ERGIC1: variants seen among roughly 807,000 people sequenced by gnomAD.
The protein encoded by ERGIC1 is endoplasmic reticulum-golgi intermediate compartment 1, also known as endoplasmic reticulum-Golgi intermediate compartment protein 1.
ERGIC1 carries 19 observed loss-of-function variants against 38.3 expected under a neutral mutation model. That is an observed-to-expected ratio of 0.50 (90% CI 0.35 to 0.73). ERGIC1 has a LOEUF of 0.73. Ranked by LOEUF, ERGIC1 falls within the 30% of genes least tolerant of loss-of-function variation. The pLI is 0.01. For missense variants in ERGIC1, 294 were observed against 389.2 expected, an observed-to-expected ratio of 0.76 and a Z score of 2.06; for synonymous variants, 124 against 157.6, an observed-to-expected ratio of 0.79 and a Z score of 1.60.
chr5:172,923,942 G>A, intron 5 of ERGIC1, 63 bp from the exon 6 acceptor site: 1 of 1,419,940 alleles, frequency 7.0e-7, no homozygotes, highest in Non-Finnish European at 9.9e-7. Context: ...ACAGGGTGAG[G>A]CCCCAATGTT....
chr5:172,845,193 C>A (rs1289535631), intron 1 of ERGIC1, among the ~76,000 whole-genome samples: 2 of 152,148 alleles, frequency 1.3e-5, no homozygotes, highest in Non-Finnish European at 2.9e-5. Context: ...GCAACCCCTC[C>A]GTGGATACCC....
chr5:172,903,096 T>G (rs1458410487), intron 3 of ERGIC1, among the ~76,000 whole-genome samples: 1 of 151,164 alleles, frequency 6.6e-6, no homozygotes, highest in Non-Finnish European at 1.5e-5. Flanking sequence ...CCACCTGGAA[T>G]GTGCTCCCGA....
At chr5:172,845,342 G>T (rs1012256358) in intron 1 of ERGIC1, among the ~76,000 whole-genome samples, 1 of 152,278 alleles carries the variant, frequency 6.6e-6, no homozygotes, top group Middle Eastern at 3.4e-3. Context: ...ATCTGTGGGC[G>T]AGAGATTATG....
chr5:172,920,325 G>A, intron 5 of ERGIC1: 1 of 717,762 alleles, frequency 1.4e-6, no homozygotes, highest in Non-Finnish European at 2.6e-6. Flanking sequence ...CCAGCATCAG[G>A]CTGAGACTTG....
At chr5:172,861,625 A>G (rs1371810729) in intron 1 of ERGIC1, among the ~76,000 whole-genome samples, 1 of 152,256 alleles carries the variant, frequency 6.6e-6, no homozygotes, top group Non-Finnish European at 1.5e-5. Context: ...TATTTGGGTC[A>G]AGACACCCAG....
At chr5:172,948,372 G>T (rs1764167257) in intron 9 of ERGIC1, among the ~76,000 whole-genome samples, 1 of 152,178 alleles carries the variant, frequency 6.6e-6, no homozygotes, top group Non-Finnish European at 1.5e-5. Context: ...CCCACCACTG[G>T]GCACCAGTTC....
At chr5:172,880,176 A>G (rs1762245788) in intron 1 of ERGIC1, among the ~76,000 whole-genome samples, 1 of 152,178 alleles carries the variant, frequency 6.6e-6, no homozygotes, top group Non-Finnish European at 1.5e-5. Context: ...AGCTGGGATT[A>G]CAGGCACCTG....
chr5:172,874,800 G>A (rs1282719450), intron 1 of ERGIC1, among the ~76,000 whole-genome samples: 3 of 151,860 alleles, frequency 2.0e-5, no homozygotes, highest in Admixed American at 1.3e-4. Flanking sequence ...AGTGGTGTGC[G>A]CTTGTCCTAG....
In ERGIC1 at chr5:172,837,446, C is replaced by G. The variant is rs1033467425; in HGVS notation, c.20+3013C>G. On this transcript the variant is annotated intron_variant, in intron 1 of 9. Coordinates refer to ENST00000393784, the MANE Select transcript of ERGIC1 (RefSeq NM_001031711.3). The surrounding 1 kb of genome is among the most constrained non-coding windows in gnomAD (Gnocchi z 4.3). ...TTCACTTAATTATCATGCTGCTTCT[C>G]TCTCCCTCCCATTAGTACATGAGCT... Among the ~76,000 whole-genome samples, 1 of 152,342 alleles carries G rather than the reference C, an allele frequency of 6.6e-6. No individual in the cohort carries two copies. Among genetic ancestry groups the G allele is most frequent in the East Asian group, 1.9e-4 (1 of 5,186 alleles).
intron 5 of ERGIC1, among the ~76,000 whole-genome samples, chr5:172,919,323 C>T (rs1266959855): frequency 2.6e-5 from 4 of 152,184 alleles, no homozygotes; most frequent in Admixed American, 1.3e-4. Context: ...GTGGGCCCCC[C>T]GCCCCCGGGG....
intron 8 of ERGIC1, chr5:172,934,630 G>A (rs1282152704): frequency 6.2e-6 from 1 of 162,152 alleles, no homozygotes; most frequent in East Asian, 1.7e-4. Context: ...CCGCCCGGGA[G>A]AATGGGTCAT....
intron 3 of ERGIC1, among the ~76,000 whole-genome samples, 197 bp from the exon 4 acceptor site, chr5:172,909,470 G>A (rs1028045597): frequency 2.6e-5 from 4 of 151,222 alleles, no homozygotes; most frequent in South Asian, 2.1e-4. Context: ...CAGCCCTCCC[G>A]TCCTGAGAGG....
chr5:172,869,621 T>C (rs931063108), intron 1 of ERGIC1, among the ~76,000 whole-genome samples: 9 of 152,226 alleles, frequency 5.9e-5, no homozygotes, highest in African/African-American at 1.9e-4. Flanking sequence ...TAAGAAGTCA[T>C]GGAGAAAATG....
chr5:172,851,489 A>G (rs560657791), intron 1 of ERGIC1, among the ~76,000 whole-genome samples: 1 of 152,358 alleles, frequency 6.6e-6, no homozygotes, highest in East Asian at 1.9e-4. Context: ...AGCCTGGGTG[A>G]CAGAGCAAGA....
intron 1 of ERGIC1, among the ~76,000 whole-genome samples, chr5:172,881,255 G>GAAAAAAAAAAAAAAAAAAAAAAAAA (rs796184994): frequency 1.4e-5 from 2 of 143,484 alleles, no homozygotes; most frequent in African/African-American, 5.1e-5. Flanking sequence ...CTCAAAAAAA[G>GAAAAAAAAAAAAAAAAAAAAAAAAA]AAAAAAAAAA....
At chr5:172,881,633 A>G (rs1464151802) in intron 1 of ERGIC1, among the ~76,000 whole-genome samples, 5 of 152,158 alleles carry the variant, frequency 3.3e-5, no homozygotes, top group Non-Finnish European at 7.3e-5. Flanking sequence ...TTCCACCCAA[A>G]TGGGCCTGAT....
chr5:172,856,121 A>C (rs765538827), intron 1 of ERGIC1, among the ~76,000 whole-genome samples: 1 of 152,156 alleles, frequency 6.6e-6, no homozygotes, highest in Non-Finnish European at 1.5e-5. Flanking sequence ...AGGCCAGAGG[A>C]AGACATGCGC....
intron 1 of ERGIC1, among the ~76,000 whole-genome samples, chr5:172,855,333 G>T (rs879062092): frequency 1.3e-5 from 2 of 152,158 alleles, no homozygotes; most frequent in Admixed American, 6.5e-5. Flanking sequence ...CTCTCTGCTG[G>T]GGGCTCCACC....
chr5:172,914,410 G>A (rs1763296941), intron 4 of ERGIC1, among the ~76,000 whole-genome samples: 1 of 152,122 alleles, frequency 6.6e-6, no homozygotes, highest in Admixed American at 6.5e-5. Flanking sequence ...CCATCTTACA[G>A]AGAAAGAAAC....
Sources: gnomAD v4.1 joint callset for allele counts (sites outside exome capture counted in the v4.1 genomes callset) on GRCh38, gnomAD v4.1.1 for gene constraint, Gnocchi (gnomAD v3.1) non-coding constraint, MANE v1.5 for transcripts, NCBI Gene and HGNC (gene_info 2026-07-23, HGNC 2026-07-21) for gene names.